Variants in LIN54 observed in about 807,000 individuals in gnomAD.
LIN54 encodes the protein lin-54 DREAM MuvB core complex component.
A neutral mutation model predicts 78.7 loss-of-function variants in LIN54; 9 were observed. The observed-to-expected ratio is 0.11, with a 90% confidence interval of 0.07 to 0.20. The LOEUF is 0.20. Among genes scored for constraint, LIN54 ranks in the 10% least tolerant of loss-of-function variants. The pLI, the probability that LIN54 is intolerant of heterozygous loss-of-function variation, is 1.00. For synonymous variants in LIN54, 269 were observed against 318.4 expected, an observed-to-expected ratio of 0.84 and a Z score of 1.65; for missense variants, 573 against 889.9, an observed-to-expected ratio of 0.64 and a Z score of 4.53.
intron 1 of LIN54, among the ~76,000 whole-genome samples, chr4:82,988,043 T>C (rs1727326619): frequency 6.6e-6 from 1 of 152,232 alleles, no homozygotes; most frequent in South Asian, 2.1e-4. Context: ...CCAGCATCTA[T>C]TGTTTCCTGA....
chr4:82,935,772 C>T (rs1722347315), intron 11 of LIN54, among the ~76,000 whole-genome samples: 1 of 152,018 alleles, frequency 6.6e-6, no homozygotes, highest in South Asian at 2.1e-4. Context: ...CAGTAAGACC[C>T]CAAGCTGTAA....
chr4:82,938,365 C>G, intron 8 of LIN54, 48 bp downstream of exon 8: 1 of 1,013,252 alleles, frequency 9.9e-7, no homozygotes, highest in Non-Finnish European at 1.6e-6. Flanking sequence ...TTTACTGTTG[C>G]ATTTAAGCTG....
chr4:82,982,213 A>AT (rs1455982868), intron 2 of LIN54, among the ~76,000 whole-genome samples: 1 of 152,020 alleles, frequency 6.6e-6, no homozygotes, highest in East Asian at 1.9e-4. Flanking sequence ...CTAATTTATG[A>AT]TATCTTTTCC....
Position 82,946,464 on chromosome 4 carries a change from G to T in LIN54, c.962C>A (p.Ser321Ter). 6.2e-7 allele frequency: 1 copy of T among 1,611,776 alleles called. No individual in the cohort carries two copies. Among genetic ancestry groups the T allele is most frequent in the South Asian group, 1.1e-5 (1 of 90,984 alleles). Residue 321 changes from serine to a stop codon, truncating the protein, a stop_gained, in exon 5 of 13, where the codon TCA becomes TAA. Transcript: ENST00000340417. LOFTEE classifies it high-confidence loss of function. The part of the protein sequence containing the change: ...PLKSPNKAVK[S>*]TVQTITVGGV... ...TCCAACAGTGATGGTCTGCACAGTT[G>T]ATTTCACTGCCTATTAAACAATACA...
At chr4:83,007,372 G>GA (rs1423118685) in intron 1 of LIN54, among the ~76,000 whole-genome samples, 1 of 152,016 alleles carries the variant, frequency 6.6e-6, no homozygotes, top group Non-Finnish European at 1.5e-5. Flanking sequence ...TAACATGATG[G>GA]AAAAAACATG....
chr4:82,959,660 T>C (rs1322778554), intron 4 of LIN54, among the ~76,000 whole-genome samples: 1 of 152,156 alleles, frequency 6.6e-6, no homozygotes, highest in South Asian at 2.1e-4. Flanking sequence ...AAAAATTTTA[T>C]TGAAATGCAT....
chr4:82,992,078 T>C (rs1727762944), intron 1 of LIN54, among the ~76,000 whole-genome samples: 1 of 152,348 alleles, frequency 6.6e-6, no homozygotes. Context: ...TAAAGCCATC[T>C]AGATATAAAG....
chr4:82,927,168 T>C lies in LIN54; in HGVS notation c.*934A>G, dbSNP rs1721551522. Reference sequence around the variant, plus strand: ...CGTCTCAAAAAAAAAAAAAAAAAAGTCTGTAAAAATAATTGATTGTATAGA... The same window carrying C: ...CGTCTCAAAAAAAAAAAAAAAAAAGCCTGTAAAAATAATTGATTGTATAGA... On this transcript the variant is annotated 3_prime_UTR_variant, in exon 13 of 13. Coordinates refer to ENST00000340417, the MANE Select transcript of LIN54 (RefSeq NM_194282.4). The C allele has an allele frequency of 1.0e-5, 1 of 100,104 alleles. No individual in the cohort carries two copies. The highest frequency in any genetic ancestry group is 3.5e-5 in the African/African-American group (1 of 28,368). 6.2% of individuals were successfully genotyped at this position (100,104 alleles called of 1,614,324 possible).
intron 5 of LIN54, among the ~76,000 whole-genome samples, chr4:82,945,609 T>G (rs1326570330): frequency 2.0e-5 from 3 of 152,212 alleles, no homozygotes; most frequent in Non-Finnish European, 4.4e-5. Context: ...TTCTCCAGTC[T>G]CAGCCTCCCA....
chr4:82,994,964 T>C (rs574420236), intron 1 of LIN54, among the ~76,000 whole-genome samples: 1 of 152,126 alleles, frequency 6.6e-6, no homozygotes, highest in East Asian at 1.9e-4. Context: ...GGACTCTCCC[T>C]TTGAACTAGG....
intron 5 of LIN54, among the ~76,000 whole-genome samples, chr4:82,940,857 TATG>T (rs1722802186): frequency 6.6e-6 from 1 of 152,210 alleles, no homozygotes; most frequent in South Asian, 2.1e-4. Flanking sequence ...TCATCTGCAA[TATG>T]GGGAATATCT....
chr4:82,943,991 C>T lies in LIN54; in HGVS notation c.1168+2267G>A, dbSNP rs542005266. Among the ~76,000 whole-genome samples, 610 of 151,840 alleles carry T rather than the reference C, an allele frequency of 4.0e-3. 5 individuals are homozygous for T. Among genetic ancestry groups the T allele is most frequent in the Non-Finnish European group, 7.0e-3 (479 of 67,980 alleles). ...TCAAGTGATTCTCCTGCCTCAGCCT[C>T]CCAAGTAGCTGGGATTACAGGTGTG... On this transcript the variant is annotated intron_variant, in intron 5 of 12. Coordinates refer to ENST00000340417, the MANE Select transcript of LIN54 (RefSeq NM_194282.4).
Position 82,930,935 on chromosome 4 carries a change from T to C in LIN54, c.2048+8A>G. The C allele has an allele frequency of 6.2e-7, 1 of 1,611,698 alleles. No homozygotes were observed. The highest frequency in any genetic ancestry group is 1.7e-5 in the Admixed American group (1 of 60,028). On this transcript the variant is annotated splice_region_variant and intron_variant, in intron 12 of 12. Transcript: ENST00000340417. ...AAGTACTATAAAAAGATTAAAATAC[T>C]GACTTACTTTCCGCCTCCACTATTT...
intron 4 of LIN54, 132 bp downstream of exon 4, chr4:82,970,194 AT>A: frequency 1.3e-6 from 1 of 785,624 alleles, no homozygotes; most frequent in South Asian, 1.9e-5. Flanking sequence ...TGATTACTAA[AT>A]TAATCCAGTA....
rs567282110 is a variant in LIN54 at position 82,925,228 on chromosome 4, G to C, written c.*2874C>G. ...TGATTTTCTAGGTATTTTTGTTTTT[G>C]AGACAAGGTCTCACTCTGATTGCCA... On this transcript the variant is annotated 3_prime_UTR_variant, in exon 13 of 13. Transcript: ENST00000340417. The C allele has an allele frequency of 6.6e-6, 1 of 152,430 alleles. No homozygotes were observed. Among genetic ancestry groups the C allele is most frequent in the South Asian group, 2.1e-4 (1 of 4,830 alleles). The allele number at this position is 152,430 out of a possible 1,614,324, so 9.4% of individuals were successfully genotyped here. A position where few individuals can be genotyped will look rare whatever the true frequency, so the allele number is the denominator to read the frequency against.
At chr4:82,965,216 AT>A (rs1328452333) in intron 4 of LIN54, among the ~76,000 whole-genome samples, 4 of 152,222 alleles carry the variant, frequency 2.6e-5, no homozygotes, top group Admixed American at 6.5e-5. Context: ...GCAGAATCAC[AT>A]TTTTATTAGT....
chr4:82,999,225 A>G (rs1728523008), intron 1 of LIN54, among the ~76,000 whole-genome samples: 2 of 152,192 alleles, frequency 1.3e-5, no homozygotes, highest in African/African-American at 4.8e-5. Context: ...AAGTGCCACT[A>G]GTGATGCTAG....
At chr4:82,980,603 G>A (rs533319782) in intron 2 of LIN54, among the ~76,000 whole-genome samples, 27 of 151,532 alleles carry the variant, frequency 1.8e-4, no homozygotes, top group South Asian at 8.3e-4. Context: ...ATTTAAAAAC[G>A]GCCGACTTGC....
chr4:82,943,380 G>A (rs924629958), intron 5 of LIN54, among the ~76,000 whole-genome samples: 1 of 152,060 alleles, frequency 6.6e-6, no homozygotes, highest in African/African-American at 2.4e-5. Flanking sequence ...TGGAGCCTTT[G>A]AACATTAGTT....
Sources: gnomAD v4.1 joint callset for allele counts (sites outside exome capture counted in the v4.1 genomes callset) on GRCh38, gnomAD v4.1.1 for gene constraint, MANE v1.5 for transcripts, NCBI Gene and HGNC (gene_info 2026-07-23, HGNC 2026-07-21) for gene names.